ZNF652: variants seen among roughly 807,000 people sequenced by gnomAD.
ZNF652 encodes the protein zinc finger protein 652.
In ZNF652, 16 loss-of-function variants were observed where a neutral mutation model predicts 45.2. That is an observed-to-expected ratio of 0.35 (90% CI 0.24 to 0.54). The LOEUF (loss-of-function observed/expected upper bound fraction) is 0.54, where lower values mean the gene tolerates loss of function less well. Among genes scored for constraint, ZNF652 ranks in the 20% least tolerant of loss-of-function variants. The probability of loss-of-function intolerance (pLI) is 0.91; values close to 1 mark genes in which losing one functional copy is unlikely to be tolerated. For missense variants in ZNF652, 614 were observed against 765.6 expected, an observed-to-expected ratio of 0.80 and a Z score of 2.34; for synonymous variants, 250 against 260.6, an observed-to-expected ratio of 0.96 and a Z score of 0.39.
intron 1 of ZNF652, among the ~76,000 whole-genome samples, chr17:49,343,026 T>G (rs997141858): frequency 1.3e-5 from 2 of 151,354 alleles, no homozygotes; most frequent in Admixed American, 6.6e-5. Flanking sequence ...GGATTACAGG[T>G]GCATGCCACC....
At position 49,317,621 on chromosome 17, in the gene ZNF652, G is replaced by A; in HGVS notation, c.105C>T (p.Ser35=). 6.2e-7 allele frequency: 1 copy of A among 1,614,036 alleles called. No individual in the cohort carries two copies. Among genetic ancestry groups the A allele is most frequent in the African/African-American group, 1.3e-5 (1 of 75,028 alleles). The part of the protein sequence containing the change: ...EDSRRGQVPS[S]FYHGANQELD... ...GTTCTTGGTTGGCACCATGATAAAA[G>A]GAAGATGGCACTTGACCACGACGGC... The change falls in exon 2 of 6, where the codon TCC becomes TCT. Residue 35 remains serine, a synonymous_variant. Transcript: ENST00000430262.
rs904708969 is a variant in ZNF652, at chr17:49,290,862, G to A, written c.*7551C>T. On this transcript the variant is annotated 3_prime_UTR_variant, in exon 6 of 6. Transcript: ENST00000430262. ...CTATTCCAGAAGAGATTTAAAAGTGGGATCTTTCTTTAGAAGGTTGAGAAT... is the reference window on the plus strand; with the variant it reads ...CTATTCCAGAAGAGATTTAAAAGTGAGATCTTTCTTTAGAAGGTTGAGAAT... 3.3e-5 allele frequency: 5 copies of A among 152,092 alleles called. No individual in the cohort carries two copies. Among genetic ancestry groups the A allele is most frequent in the Non-Finnish European group, 7.4e-5 (5 of 68,010 alleles). The allele number at this position is 152,092 out of a possible 1,614,324, so 9.4% of individuals were successfully genotyped here.
intron 1 of ZNF652, among the ~76,000 whole-genome samples, chr17:49,346,947 G>A (rs922961783): frequency 6.6e-6 from 1 of 152,148 alleles, no homozygotes; most frequent in East Asian, 1.9e-4. Flanking sequence ...TTGTCCTAAG[G>A]GAAAGAAAGG....
At position 49,327,764 on chromosome 17, in the gene ZNF652, TATATATATATATATA is replaced by T. The variant is rs2069977203; in HGVS notation, c.-258-9796_-258-9782del. Among the ~76,000 whole-genome samples, 44 of 5,412 alleles carry T rather than the reference TATATATATATATATA, an allele frequency of 8.1e-3. 1 individual carries two copies. The highest frequency in any genetic ancestry group is 0.037 in the African/African-American group (33 of 880). 3.6% of individuals were successfully genotyped at this position (5,412 alleles called of 152,430 possible). A position where few individuals can be genotyped will look rare whatever the true frequency, so the allele number is the denominator to read the frequency against. ...ATATATATATATATATATATATATA[TATATATATATATATA>T]TTTTTTTTTTTTTTTTTTAGTAGAG... On this transcript the variant is annotated intron_variant, in intron 1 of 5. Transcript: ENST00000430262.
intron 1 of ZNF652, among the ~76,000 whole-genome samples, chr17:49,349,229 C>G (rs566083784): frequency 6.6e-6 from 1 of 152,214 alleles, no homozygotes; most frequent in Admixed American, 6.5e-5. Flanking sequence ...CAAGACCACC[C>G]TGGCCAATAT....
chr17:49,309,613 A>G (rs1430397010), intron 5 of ZNF652, among the ~76,000 whole-genome samples: 1 of 152,144 alleles, frequency 6.6e-6, no homozygotes, highest in Non-Finnish European at 1.5e-5. Flanking sequence ...AACCCTAAAA[A>G]TGACACTAGA....
At chr17:49,304,440 A>C (rs1271378939) in intron 5 of ZNF652, among the ~76,000 whole-genome samples, 1 of 152,126 alleles carries the variant, frequency 6.6e-6, no homozygotes, top group Non-Finnish European at 1.5e-5. Flanking sequence ...AAATGTGTTT[A>C]ATGGTTGATA....
At chr17:49,321,839 T>C (rs145557103) in intron 1 of ZNF652, among the ~76,000 whole-genome samples, 6 of 152,322 alleles carry the variant, frequency 3.9e-5, no homozygotes, top group Admixed American at 1.3e-4. Flanking sequence ...CCATAAGAGC[T>C]AGCAGCTCTA....
chr17:49,323,287 G>C (rs1193374207), intron 1 of ZNF652, among the ~76,000 whole-genome samples: 1 of 152,182 alleles, frequency 6.6e-6, no homozygotes, highest in Admixed American at 6.5e-5. Context: ...ATCTCAAGAA[G>C]TAGATTCCAT....
chr17:49,302,693 G>A (rs2069570839), intron 5 of ZNF652, among the ~76,000 whole-genome samples: 1 of 152,162 alleles, frequency 6.6e-6, no homozygotes, highest in South Asian at 2.1e-4. Context: ...CGGGTGTGGT[G>A]GCTCATGCCT....
At chr17:49,349,168 G>T (rs1231687364) in intron 1 of ZNF652, among the ~76,000 whole-genome samples, 1 of 152,088 alleles carries the variant, frequency 6.6e-6, no homozygotes, top group African/African-American at 2.4e-5. Flanking sequence ...AGTGGCTCAC[G>T]CCTGTAATCC....
At chr17:49,333,464 C>T (rs1011568787) in intron 1 of ZNF652, among the ~76,000 whole-genome samples, 1 of 146,020 alleles carries the variant, frequency 6.8e-6, no homozygotes, top group African/African-American at 2.5e-5. Context: ...AATCCCAGCA[C>T]TTTGGGAGGC....
Position 49,312,802 on chromosome 17 carries a change from T to A in ZNF652, c.944A>T (p.His315Leu). ...TCCATGGACGATCTTGATATGTTCA[T>A]GAAGGGACCAGAGTTTCTTGAACGA... Reference protein sequence around the residue: ...NKSFKKLWSLHEHIKIVHGYA... With the variant: ...NKSFKKLWSLLEHIKIVHGYA... The change falls in exon 3 of 6, where the codon CAT (histidine) becomes CTT (leucine). Residue 315 changes from histidine to leucine, a missense_variant. Transcript: ENST00000430262. 6.2e-7 allele frequency: 1 copy of A among 1,614,128 alleles called. No individual in the cohort carries two copies. Among genetic ancestry groups the A allele is most frequent in the Non-Finnish European group, 8.5e-7 (1 of 1,179,978 alleles).
At chr17:49,358,789 G>A (rs1331137650) in intron 1 of ZNF652, among the ~76,000 whole-genome samples, 1 of 152,180 alleles carries the variant, frequency 6.6e-6, no homozygotes, top group Non-Finnish European at 1.5e-5. Context: ...GACCACAGCT[G>A]CAGAAAGTAG....
In ZNF652 at chr17:49,346,836, A is replaced by G. The variant is rs139695961; in HGVS notation, c.-259+15073T>C. ...GCTCTTTTTAAAATACTGCTTTAGC[A>G]TTCCAGCTTGTGCCTATCTTAGTAC... On this transcript the variant is annotated intron_variant, in intron 1 of 5. Coordinates refer to ENST00000430262, the MANE Select transcript of ZNF652 (RefSeq NM_001145365.3). 5.1e-3 allele frequency among the ~76,000 whole-genome samples: 778 copies of G among 152,360 alleles called. 7 individuals are homozygous for G. Among genetic ancestry groups the G allele is most frequent in the African/African-American group, 0.016 (654 of 41,588 alleles).
chr17:49,345,568 G>A (rs1240534508), intron 1 of ZNF652, among the ~76,000 whole-genome samples: 5 of 151,250 alleles, frequency 3.3e-5, no homozygotes, highest in African/African-American at 7.3e-5. Flanking sequence ...TAGGCCGGGC[G>A]TGGTGGCTCA....
At chr17:49,305,817 C>A (rs1249660619) in intron 5 of ZNF652, among the ~76,000 whole-genome samples, 1 of 152,158 alleles carries the variant, frequency 6.6e-6, no homozygotes, top group Non-Finnish European at 1.5e-5. Flanking sequence ...TCCTAGTAAA[C>A]CCTGACTGAT....
intron 1 of ZNF652, among the ~76,000 whole-genome samples, chr17:49,331,311 C>T (rs551527292): frequency 9.8e-4 from 149 of 151,822 alleles, no homozygotes; most frequent in Middle Eastern, 3.4e-3. Context: ...TTAGTAGAGA[C>T]GGGCTTTCAC....
intron 4 of ZNF652, 85 bp downstream of exon 4, chr17:49,311,842 C>A: frequency 8.5e-7 from 1 of 1,173,532 alleles, no homozygotes; most frequent in Non-Finnish European, 1.2e-6. Flanking sequence ...GTGCCTCCTG[C>A]TCCAGCACAC....
Sources: allele counts gnomAD v4.1 joint callset (sites outside exome capture counted in the v4.1 genomes callset), GRCh38; gene constraint gnomAD v4.1.1; transcripts MANE v1.5; gene names NCBI Gene and HGNC (gene_info 2026-07-23, HGNC 2026-07-21).